MAP4K5: variants seen among roughly 807,000 people sequenced by gnomAD.
MAP4K5 encodes mitogen-activated protein kinase kinase kinase kinase 5.
In MAP4K5, 82 loss-of-function variants were observed where a neutral mutation model predicts 135.6. The ratio of observed to expected loss-of-function variants is 0.60; its 90% CI spans 0.51 to 0.73. MAP4K5 has a LOEUF of 0.73. MAP4K5 is among the 30% of genes least tolerant of loss of function. The pLI, the probability that MAP4K5 is intolerant of heterozygous loss-of-function variation, is 0.00. For missense variants in MAP4K5, 907 were observed against 1,010.9 expected (o/e 0.90, Z 1.39); for synonymous variants, 347 against 335.0 (o/e 1.04, Z -0.39).
chr14:50,509,238 G>T (rs982792509), intron 2 of MAP4K5, among the ~76,000 whole-genome samples: 4 of 151,884 alleles, frequency 2.6e-5, no homozygotes, highest in Admixed American at 2.0e-4. Context: ...GTCATGGGGT[G>T]GGGGGCAGGG....
intron 32 of MAP4K5, among the ~76,000 whole-genome samples, chr14:50,421,982 C>T (rs1013419749): frequency 2.0e-5 from 3 of 151,944 alleles, no homozygotes; most frequent in Non-Finnish European, 4.4e-5. Flanking sequence ...ACCTCCGCCT[C>T]CTGGGTTCAA....
chr14:50,452,970 C>T (rs2036523571), intron 14 of MAP4K5, among the ~76,000 whole-genome samples: 1 of 148,508 alleles, frequency 6.7e-6, no homozygotes, highest in Non-Finnish European at 1.5e-5. Flanking sequence ...AGTCACATTT[C>T]CCCCCACTTT....
chr14:50,492,428 C>T (rs2037503617), intron 3 of MAP4K5, among the ~76,000 whole-genome samples: 11 of 151,142 alleles, frequency 7.3e-5, no homozygotes, highest in Admixed American at 7.2e-4. Context: ...TCTGTCTCCA[C>T]AAAAAAAACA....
At chr14:50,462,594 G>GAA in intron 13 of MAP4K5, 71 bp downstream of exon 13, 1 of 1,045,706 alleles carries the variant, frequency 9.6e-7, no homozygotes. Flanking sequence ...AGAAAACAAA[G>GAA]AAAAAAAAGC....
intron 2 of MAP4K5, among the ~76,000 whole-genome samples, chr14:50,528,061 C>A (rs1272179469): frequency 6.6e-6 from 1 of 152,258 alleles, no homozygotes; most frequent in East Asian, 1.9e-4. Flanking sequence ...GGCAGATCTA[C>A]ATTTTTACAG....
chr14:50,459,865 T>G (rs1240712364), intron 13 of MAP4K5, among the ~76,000 whole-genome samples: 9 of 152,006 alleles, frequency 5.9e-5, no homozygotes, highest in Admixed American at 5.2e-4. Context: ...GCCCAGCTAA[T>G]TTTTTGGTAT....
intron 30 of MAP4K5, among the ~76,000 whole-genome samples, chr14:50,428,375 C>T (rs1480653496): frequency 6.6e-6 from 1 of 152,124 alleles, no homozygotes; most frequent in Non-Finnish European, 1.5e-5. Context: ...CCTGCCTCAG[C>T]CTCCCAAGTA....
At chr14:50,510,931 A>T (rs1406246336) in intron 2 of MAP4K5, among the ~76,000 whole-genome samples, 2 of 152,192 alleles carry the variant, frequency 1.3e-5, no homozygotes, top group Non-Finnish European at 2.9e-5. Flanking sequence ...CTTATGAGCC[A>T]GCCAGCAACC....
intron 2 of MAP4K5, among the ~76,000 whole-genome samples, chr14:50,538,953 G>A (rs185095651): frequency 1.1e-4 from 16 of 152,276 alleles, no homozygotes; most frequent in African/African-American, 3.9e-4. Context: ...CCAAGTAGCT[G>A]GGACTATGGG....
In MAP4K5 at chr14:50,468,530, A is replaced by G. The variant is rs911808437; in HGVS notation, c.674+121T>C. 3 of 1,011,970 alleles carry G rather than the reference A, an allele frequency of 3.0e-6. No homozygotes were observed. In the African/African-American group the frequency reaches 4.8e-5, roughly 16 times the overall value. The allele number at this position is 1,011,970 out of a possible 1,614,324, so 62.7% of individuals were successfully genotyped here. ...AGGTTTTGGATGAGATTACTCCTAA[A>G]TCCCTTACAATACCTTTACTATTTT... is the stretch of plus-strand genomic sequence containing the variant. On this transcript the variant is annotated intron_variant, in intron 10 of 32. Coordinates refer to ENST00000682126, the MANE Select transcript of MAP4K5 (RefSeq NM_006575.6).
intron 3 of MAP4K5, among the ~76,000 whole-genome samples, chr14:50,486,741 G>A (rs1323541272): frequency 6.6e-6 from 1 of 152,078 alleles, no homozygotes; most frequent in African/African-American, 2.4e-5. Context: ...GACCAGCCTG[G>A]CCAACATGGT....
At chr14:50,502,875 CAT>C (rs1255037773) in intron 3 of MAP4K5, among the ~76,000 whole-genome samples, 1 of 151,938 alleles carries the variant, frequency 6.6e-6, no homozygotes, top group Non-Finnish European at 1.5e-5. Context: ...TGAAAAAATA[CAT>C]AGAGAGAGTT....
intron 2 of MAP4K5, among the ~76,000 whole-genome samples, chr14:50,513,917 T>C (rs1345386952): frequency 6.6e-6 from 1 of 151,394 alleles, no homozygotes; most frequent in African/African-American, 2.5e-5. Flanking sequence ...TTTAAGAACA[T>C]GATCTACAAT....
At chr14:50,465,372 C>T (rs1027512073) in intron 11 of MAP4K5, among the ~76,000 whole-genome samples, 1 of 152,116 alleles carries the variant, frequency 6.6e-6, no homozygotes, top group African/African-American at 2.4e-5. Flanking sequence ...ATTTGCACAG[C>T]TTCTTTTATT....
rs1239128919 is a variant in MAP4K5 at position 50,475,153 on chromosome 14, G to T, written c.470-4C>A. 1 of 1,613,566 alleles carries T rather than the reference G, an allele frequency of 6.2e-7. No individual in the cohort carries two copies. The highest frequency in any genetic ancestry group is 1.1e-5 in the South Asian group (1 of 91,052). ...TTTGCAGCCACACCAAAGTCAGCTA[G>T]TGAGGAAAAAAACAGAAAATTTTAG... On this transcript the variant is annotated splice_region_variant and splice_polypyrimidine_tract_variant and intron_variant, in intron 8 of 32. Transcript: ENST00000682126.
intron 3 of MAP4K5, among the ~76,000 whole-genome samples, chr14:50,492,906 T>A (rs2037514782): frequency 6.6e-6 from 1 of 151,894 alleles, no homozygotes; most frequent in Admixed American, 6.6e-5. Context: ...CGGTGGCTCA[T>A]GCCTGAAATC....
chr14:50,427,829 A>G (rs1345565881), intron 30 of MAP4K5, among the ~76,000 whole-genome samples: 1 of 152,232 alleles, frequency 6.6e-6, no homozygotes, highest in African/African-American at 2.4e-5. Flanking sequence ...AAATGGCATA[A>G]AAGTTTACAA....
intron 1 of MAP4K5, among the ~76,000 whole-genome samples, chr14:50,549,108 C>G (rs1025375497): frequency 3.3e-5 from 5 of 152,014 alleles, no homozygotes; most frequent in Admixed American, 6.5e-5. Flanking sequence ...TCACTTTGAA[C>G]AAGTGGAGGG....
At chr14:50,510,765 T>A (rs2180495) in intron 2 of MAP4K5, among the ~76,000 whole-genome samples, 5 of 152,158 alleles carry the variant, frequency 3.3e-5, no homozygotes, top group East Asian at 1.9e-4. Flanking sequence ...TGACAGTCCC[T>A]CTCCATCCCA....
Sources: gnomAD v4.1 joint callset for allele counts (sites outside exome capture counted in the v4.1 genomes callset) on GRCh38, gnomAD v4.1.1 for gene constraint, MANE v1.5 for transcripts, NCBI Gene and HGNC (gene_info 2026-07-23, HGNC 2026-07-21) for gene names.